The following FBXO42 variants were observed in gnomAD, a reference collection of about 807,000 sequenced individuals.
FBXO42 encodes F-box only protein 42.
Under a neutral mutation model 71.7 loss-of-function variants are expected in FBXO42, and 12 were observed. The ratio of observed to expected loss-of-function variants is 0.17; its 90% confidence interval spans 0.11 to 0.27. FBXO42 has a LOEUF of 0.27. FBXO42 is among the 10% of genes least tolerant of loss of function. FBXO42 has a pLI of 1.00. For missense variants in FBXO42, 707 were observed against 911.9 expected, an observed-to-expected ratio of 0.78 and a Z score of 2.89; for synonymous variants, 325 against 327.5, an observed-to-expected ratio of 0.99 and a Z score of 0.08.
chr1:16,340,037 C>T (rs1037256274), intron 1 of FBXO42, among the ~76,000 whole-genome samples: 2 of 152,094 alleles, frequency 1.3e-5, no homozygotes, highest in Middle Eastern at 3.4e-3. Context: ...ATTAGCCAGG[C>T]GTGGTGGCAG....
At chr1:16,290,917 C>T (rs570239776) in intron 4 of FBXO42, among the ~76,000 whole-genome samples, 6 of 152,252 alleles carry the variant, frequency 3.9e-5, no homozygotes, top group African/African-American at 1.4e-4. Context: ...GACTAAGACA[C>T]CAACCAATAG....
intron 1 of FBXO42, among the ~76,000 whole-genome samples, chr1:16,332,319 G>T (rs183066734): frequency 6.6e-6 from 1 of 151,990 alleles, no homozygotes; most frequent in Non-Finnish European, 1.5e-5. Context: ...ACAATGGGAG[G>T]CACATTGTTA....
At chr1:16,346,683 G>A (rs1442478598) in intron 1 of FBXO42, among the ~76,000 whole-genome samples, 3 of 144,080 alleles carry the variant, frequency 2.1e-5, no homozygotes, top group African/African-American at 7.8e-5. Flanking sequence ...GCTAGACTCC[G>A]TCTCGGGGAA....
At chr1:16,285,063 T>C (rs1391804660) in intron 4 of FBXO42, among the ~76,000 whole-genome samples, 1 of 151,642 alleles carries the variant, frequency 6.6e-6, no homozygotes, top group East Asian at 2.0e-4. Context: ...GGAGAACTGC[T>C]TGAACCTAGT....
intron 3 of FBXO42, among the ~76,000 whole-genome samples, chr1:16,302,806 A>G (rs1225877834): frequency 6.6e-6 from 1 of 152,200 alleles, no homozygotes; most frequent in Non-Finnish European, 1.5e-5. Flanking sequence ...CACTGCGGCC[A>G]GCCGAAACCG....
chr1:16,304,615 C>T (rs778288761), intron 3 of FBXO42, among the ~76,000 whole-genome samples: 3 of 152,066 alleles, frequency 2.0e-5, no homozygotes, highest in Non-Finnish European at 4.4e-5. Context: ...TAGATAATGT[C>T]AGATGTTTAA....
At chr1:16,333,579 G>C (rs11260729) in intron 1 of FBXO42, among the ~76,000 whole-genome samples, 50,858 of 151,878 alleles carry the variant, frequency 0.33, 8,978 homozygotes, top group African/African-American at 0.4. Flanking sequence ...AGTGCAAGAC[G>C]ATCTCTTAAA....
chr1:16,251,126 C>T lies in FBXO42; in HGVS notation c.1698G>A (p.Met566Ile), dbSNP rs552311326. ...LRRSLEAIKA[M>I]SSKGPSASAA... is the part of the protein sequence containing the mutation. ...CAGAGGCCGAGGGGCCTTTGGAGGA[C>T]ATCGCTTTGATGGCTTCCAGACTCC... The change falls in exon 10 of 10, where the codon ATG becomes ATA. Residue 566 changes from methionine to isoleucine, a missense_variant. Transcript: ENST00000375592. The surrounding 1 kb of genome is among the most constrained non-coding windows in gnomAD (Gnocchi z 4.5). 1.7e-5 allele frequency: 27 copies of T among 1,614,118 alleles called. No individual in the cohort carries two copies. In the South Asian group the frequency reaches 2.9e-4, roughly 17 times the overall value.
intron 1 of FBXO42, among the ~76,000 whole-genome samples, chr1:16,344,019 C>CA (rs1463037214): frequency 2.7e-5 from 4 of 149,380 alleles, no homozygotes; most frequent in Non-Finnish European, 5.9e-5. Context: ...TTTTTTGAAA[C>CA]AGAGTTTCAC....
Position 16,251,732 on chromosome 1 carries a change from G to A in FBXO42, c.1092C>T (p.Leu364=). The change falls in exon 10 of 10, where the codon CTC becomes CTT. Residue 364 remains leucine, a synonymous_variant. Transcript: ENST00000375592. The surrounding 1 kb of genome is among the most constrained non-coding windows in gnomAD (Gnocchi z 4.5). ...ATGGGCGAGAGTTCAAACTGGGGCT[G>A]AGTGGGGCTCTCCCACTAGGAGCCT... ...FSQAPSGRAP[L]SPSLNSRPSP... 2.5e-6 allele frequency: 4 copies of A among 1,614,198 alleles called. No individual in the cohort carries two copies. In the South Asian group the frequency reaches 3.3e-5, roughly 13 times the overall value.
intron 2 of FBXO42, 36 bp from the exon 3 acceptor site, chr1:16,305,955 C>T (rs1444893123): frequency 1.5e-6 from 2 of 1,327,154 alleles, no homozygotes; most frequent in Admixed American, 1.7e-5. Flanking sequence ...AGTCCAGACA[C>T]TTAACTTATC....
In FBXO42 at chr1:16,262,867, G is replaced by A. The variant is rs150686021; in HGVS notation, c.503-6108C>T. On this transcript the variant is annotated intron_variant, in intron 4 of 9. Coordinates refer to ENST00000375592, the MANE Select transcript of FBXO42 (RefSeq NM_018994.3). Reference sequence around the variant, plus strand: ...TGGGACTACAGGCACGTGCCACCACGGCAGGCTAGTTTTTTGTAATTTTAG... The same window carrying A: ...TGGGACTACAGGCACGTGCCACCACAGCAGGCTAGTTTTTTGTAATTTTAG... Among the ~76,000 whole-genome samples, 592 of 152,012 alleles carry A rather than the reference G, an allele frequency of 3.9e-3. 8 individuals are homozygous for A. The highest frequency in any genetic ancestry group is 0.013 in the African/African-American group (550 of 41,474).
At chr1:16,284,766 G>C (rs1211390566) in intron 4 of FBXO42, among the ~76,000 whole-genome samples, 3 of 152,146 alleles carry the variant, frequency 2.0e-5, no homozygotes, top group African/African-American at 7.2e-5. Flanking sequence ...TCGGGAGTTT[G>C]AGACCAGCCT....
intron 1 of FBXO42, among the ~76,000 whole-genome samples, chr1:16,337,004 A>G (rs918322933): frequency 6.6e-6 from 1 of 152,062 alleles, no homozygotes; most frequent in African/African-American, 2.4e-5. Flanking sequence ...TAATATAAAC[A>G]TTTCTGCAAT....
intron 4 of FBXO42, among the ~76,000 whole-genome samples, chr1:16,262,991 G>A (rs989871428): frequency 8.6e-5 from 13 of 151,958 alleles, no homozygotes; most frequent in Admixed American, 2.0e-4. Flanking sequence ...GATTACAGGC[G>A]TGAGCCACAA....
At chr1:16,319,535 C>T (rs1007653596) in intron 1 of FBXO42, among the ~76,000 whole-genome samples, 8 of 152,140 alleles carry the variant, frequency 5.3e-5, no homozygotes, top group Non-Finnish European at 1.2e-4. Context: ...GGGAAAGGCA[C>T]TGACAGTGAG....
Position 16,333,448 on chromosome 1 carries a change from C to A in FBXO42, c.-17-18013G>T, listed in dbSNP as rs867923787. 5.3e-3 allele frequency among the ~76,000 whole-genome samples: 603 copies of A among 113,390 alleles called. 4 individuals are homozygous for A. Among genetic ancestry groups the A allele is most frequent in the Non-Finnish European group, 6.3e-3 (320 of 50,954 alleles). 74.4% of individuals were successfully genotyped at this position (113,390 alleles called of 152,430 possible). ...GGCAAATAGTGAGACCCCCCCCCCC[C>A]ATTTCCAAGAAGAAAAAAAAAATGC... On this transcript the variant is annotated intron_variant, in intron 1 of 9. Transcript: ENST00000375592.
At chr1:16,344,086 C>T (rs1054786855) in intron 1 of FBXO42, among the ~76,000 whole-genome samples, 2 of 151,822 alleles carry the variant, frequency 1.3e-5, no homozygotes, top group African/African-American at 4.8e-5. Context: ...CAACCTCCAC[C>T]TCCCAGGTTT....
chr1:16,297,406 T>C (rs975545015), intron 3 of FBXO42, among the ~76,000 whole-genome samples: 7 of 152,136 alleles, frequency 4.6e-5, no homozygotes, highest in Non-Finnish European at 8.8e-5. Flanking sequence ...AAGGGTTAAA[T>C]CCAAATTATC....
Sources: gnomAD v4.1 joint callset for allele counts (sites outside exome capture counted in the v4.1 genomes callset) on GRCh38, gnomAD v4.1.1 for gene constraint, Gnocchi (gnomAD v3.1) non-coding constraint, MANE v1.5 for transcripts, NCBI Gene and HGNC (gene_info 2026-07-23, HGNC 2026-07-21) for gene names.